Variants in FBXW11 observed in about 807,000 individuals in gnomAD.
The protein encoded by FBXW11 is F-box/WD repeat-containing protein 11.
A neutral mutation model predicts 77.6 loss-of-function variants in FBXW11; 19 were observed. That is an observed-to-expected ratio of 0.24 (90% CI 0.17 to 0.36). The LOEUF is 0.36. FBXW11 is among the 10% of genes least tolerant of loss of function. The pLI, the probability that FBXW11 is intolerant of heterozygous loss-of-function variation, is 1.00. For missense variants in FBXW11, 334 were observed against 704.2 expected, an observed-to-expected ratio of 0.47 and a Z score of 5.95; for synonymous variants, 235 against 249.4, an observed-to-expected ratio of 0.94 and a Z score of 0.54.
At chr5:172,000,247 A>G (rs970650329) in intron 1 of FBXW11, among the ~76,000 whole-genome samples, 12 of 152,220 alleles carry the variant, frequency 7.9e-5, no homozygotes, top group Admixed American at 2.6e-4. Flanking sequence ...GATGGTAAGA[A>G]TAAGAATTCA....
At chr5:171,952,449 T>TATATATA (rs1561716455) in intron 2 of FBXW11, among the ~76,000 whole-genome samples, 13 of 10,910 alleles carry the variant, frequency 1.2e-3, no homozygotes, top group African/African-American at 1.8e-3. Context: ...ATATATATAT[T>TATATATA]TTTTTTTTTT....
intron 2 of FBXW11, among the ~76,000 whole-genome samples, chr5:171,935,594 AT>A (rs940044331): frequency 6.1e-4 from 92 of 150,214 alleles, no homozygotes; most frequent in African/African-American, 1.8e-3. Context: ...CCCACCCCAA[AT>A]TTTTTTTTTA....
chr5:171,962,544 C>T (rs764871383), intron 1 of FBXW11, among the ~76,000 whole-genome samples: 4 of 152,084 alleles, frequency 2.6e-5, no homozygotes, highest in African/African-American at 7.2e-5. Context: ...ATTACTTTTG[C>T]CATATCCACC....
chr5:171,957,201 A>G (rs573912736), intron 2 of FBXW11, among the ~76,000 whole-genome samples: 1 of 152,340 alleles, frequency 6.6e-6, no homozygotes, highest in Non-Finnish European at 1.5e-5. Flanking sequence ...AGCCAAAAGG[A>G]TGAGTTTCAA....
chr5:171,927,482 A>C (rs1446466876), intron 2 of FBXW11, among the ~76,000 whole-genome samples: 2 of 152,238 alleles, frequency 1.3e-5, no homozygotes, highest in East Asian at 1.9e-4. Context: ...TTCCACAGGC[A>C]CATCACAAAA....
intron 1 of FBXW11, among the ~76,000 whole-genome samples, chr5:171,974,471 C>T (rs978284820): frequency 1.3e-5 from 2 of 151,330 alleles, no homozygotes; most frequent in African/African-American, 2.4e-5. Flanking sequence ...CACACACACA[C>T]ATATATACAG....
At chr5:171,867,556 G>A (rs961928178) in intron 13 of FBXW11, among the ~76,000 whole-genome samples, 1 of 151,218 alleles carries the variant, frequency 6.6e-6, no homozygotes, top group Non-Finnish European at 1.5e-5. Flanking sequence ...TTGACCTCTA[G>A]GTAAGACAAA....
intron 2 of FBXW11, among the ~76,000 whole-genome samples, chr5:171,941,072 T>G (rs1762728575): frequency 6.6e-6 from 1 of 152,184 alleles, no homozygotes; most frequent in Admixed American, 6.5e-5. Context: ...AGGATATTTG[T>G]GGAGTTTCAA....
intron 1 of FBXW11, among the ~76,000 whole-genome samples, chr5:171,959,086 T>C (rs1408710873): frequency 6.6e-6 from 1 of 150,780 alleles, no homozygotes; most frequent in Admixed American, 6.7e-5. Context: ...AGTTCACCTA[T>C]GATACACGGA....
intron 2 of FBXW11, among the ~76,000 whole-genome samples, chr5:171,926,790 C>G (rs1481799151): frequency 1.3e-5 from 2 of 152,268 alleles, no homozygotes; most frequent in Non-Finnish European, 2.9e-5. Context: ...AATTTAACTT[C>G]CATAAGGCAG....
At chr5:172,002,693 TTTC>T (rs1766484632) in intron 1 of FBXW11, among the ~76,000 whole-genome samples, 4 of 139,144 alleles carry the variant, frequency 2.9e-5, no homozygotes, top group South Asian at 2.2e-4. Context: ...TCTTTTTTCT[TTTC>T]TTTTTTTTTT....
chr5:171,982,364 G>A (rs1765195094), intron 1 of FBXW11, among the ~76,000 whole-genome samples: 1 of 126,360 alleles, frequency 7.9e-6, no homozygotes, highest in Non-Finnish European at 1.7e-5. Context: ...CCGCCTCCTG[G>A]CTTCAAGCAA....
chr5:171,966,421 C>A (rs1452553741), intron 1 of FBXW11, among the ~76,000 whole-genome samples: 2 of 152,164 alleles, frequency 1.3e-5, no homozygotes, highest in Non-Finnish European at 2.9e-5. Flanking sequence ...AGAGCTCTTA[C>A]AGAAGCTGGA....
chr5:171,955,862 G>A (rs1036645349), intron 2 of FBXW11, among the ~76,000 whole-genome samples: 8 of 151,266 alleles, frequency 5.3e-5, no homozygotes, highest in African/African-American at 1.9e-4. Context: ...ATTTCACTAA[G>A]AAAGATGAGT....
intron 1 of FBXW11, among the ~76,000 whole-genome samples, chr5:171,993,552 G>T (rs1419485195): frequency 6.6e-6 from 1 of 152,122 alleles, no homozygotes; most frequent in African/African-American, 2.4e-5. Context: ...GGCGGAGGTT[G>T]CAGTGAGCCA....
intron 2 of FBXW11, among the ~76,000 whole-genome samples, chr5:171,954,999 G>A (rs920883452): frequency 7.9e-5 from 12 of 152,148 alleles, no homozygotes; most frequent in African/African-American, 2.4e-4. Context: ...AAATAGTCAC[G>A]TCAGACTCAG....
chr5:171,879,809 GT>G (rs1366819686), intron 7 of FBXW11, among the ~76,000 whole-genome samples: 1 of 151,764 alleles, frequency 6.6e-6, no homozygotes, highest in African/African-American at 2.4e-5. Flanking sequence ...TAAGCTAATT[GT>G]TTTTTTTCTT....
chr5:172,006,540 G>A lies in FBXW11; in HGVS notation c.-38C>T. Reference sequence around the variant, plus strand: ...GGCCCCGCCTCGCTCTCCCCGCGCAGCAGCGAACGGCCCGGGCGGAGGAGG... The same window carrying A: ...GGCCCCGCCTCGCTCTCCCCGCGCAACAGCGAACGGCCCGGGCGGAGGAGG... On this transcript the variant is annotated 5_prime_UTR_variant, in exon 1 of 14. Coordinates refer to ENST00000517395, the MANE Select transcript of FBXW11 (RefSeq NM_001378974.1). 2.7e-6 allele frequency: 4 copies of A among 1,485,808 alleles called. No individual in the cohort carries two copies. The highest frequency in any genetic ancestry group is 2.4e-5 in the Admixed American group (1 of 42,264). 92.0% of individuals were successfully genotyped at this position (1,485,808 alleles called of 1,614,324 possible).
chr5:171,968,406 G>A (rs7447164), intron 1 of FBXW11, among the ~76,000 whole-genome samples: 1 of 150,714 alleles, frequency 6.6e-6, no homozygotes, highest in African/African-American at 2.4e-5. Context: ...TGCAGTGAGC[G>A]GAGATCAGCC....
Sources: allele counts gnomAD v4.1 joint callset (sites outside exome capture counted in the v4.1 genomes callset), GRCh38; gene constraint gnomAD v4.1.1; transcripts MANE v1.5; gene names NCBI Gene and HGNC (gene_info 2026-07-23, HGNC 2026-07-21).